Variants in AIG1 observed in about 807,000 individuals in gnomAD.
The protein encoded by AIG1 is androgen-induced gene 1 protein.
Under a neutral mutation model 31.4 loss-of-function variants are expected in AIG1, and 23 were observed. The observed-to-expected ratio is 0.73, with a 90% CI of 0.53 to 1.04. The LOEUF (loss-of-function observed/expected upper bound fraction) is 1.04. AIG1 is among the 50% of genes least tolerant of loss of function. The pLI, the probability that AIG1 is intolerant of heterozygous loss-of-function variation, is 0.00. For synonymous variants in AIG1, 100 were observed against 110.5 expected, an observed-to-expected ratio of 0.90 and a Z score of 0.60; for missense variants, 274 against 295.0, an observed-to-expected ratio of 0.93 and a Z score of 0.52.
chr6:143,226,864 A>T (rs1349570005), intron 3 of AIG1, among the ~76,000 whole-genome samples: 1 of 152,098 alleles, frequency 6.6e-6, no homozygotes, highest in Non-Finnish European at 1.5e-5. Flanking sequence ...TTTTATGAAG[A>T]ACCTAGTGCC....
chr6:143,301,929 C>G (rs915791918), intron 4 of AIG1, among the ~76,000 whole-genome samples: 2 of 152,130 alleles, frequency 1.3e-5, no homozygotes, highest in Non-Finnish European at 2.9e-5. Context: ...TGATGTCTAC[C>G]AAGGTTTTCT....
At chr6:143,069,920 G>GCAC (rs558478766) in intron 1 of AIG1, among the ~76,000 whole-genome samples, 159 of 152,114 alleles carry the variant, frequency 1.0e-3, no homozygotes, top group South Asian at 4.8e-3. Flanking sequence ...AATTTTCCCT[G>GCAC]CACCGTGTCT....
chr6:143,169,723 A>G (rs1787312066), intron 3 of AIG1, among the ~76,000 whole-genome samples: 1 of 152,120 alleles, frequency 6.6e-6, no homozygotes, highest in African/African-American at 2.4e-5. Flanking sequence ...TTGTCTCTTT[A>G]GTATGTTAGC....
rs1796283855 is a variant in AIG1, at chr6:143,268,230, C to A, written c.400-15880C>A. ...TAAAACCAAAGGTTGGTTGTGTGATCTACATGTGGAGCTCAGAGCATGTTT... is the reference window on the plus strand; with the variant it reads ...TAAAACCAAAGGTTGGTTGTGTGATATACATGTGGAGCTCAGAGCATGTTT... On this transcript the variant is annotated intron_variant, in intron 3 of 5. Coordinates refer to ENST00000357847, the MANE Select transcript of AIG1 (RefSeq NM_016108.4). This position sits in a 1 kb window ranked among gnomAD's most constrained non-coding sequence, Gnocchi z 5.0. Among the ~76,000 whole-genome samples, 1 of 152,098 alleles carries A rather than the reference C, an allele frequency of 6.6e-6. No homozygotes were observed. Among genetic ancestry groups the A allele is most frequent in the South Asian group, 2.1e-4 (1 of 4,828 alleles).
intron 1 of AIG1, among the ~76,000 whole-genome samples, chr6:143,128,547 G>A (rs1030323223): frequency 6.6e-6 from 1 of 152,242 alleles, no homozygotes; most frequent in South Asian, 2.1e-4. Flanking sequence ...GTATATGTGT[G>A]TCATGCTGAG....
chr6:143,129,655 T>C (rs1783039589), intron 1 of AIG1, among the ~76,000 whole-genome samples: 1 of 152,234 alleles, frequency 6.6e-6, no homozygotes, highest in African/African-American at 2.4e-5. Context: ...TTCGAGATTC[T>C]GTTTTTCCCT....
chr6:143,215,434 C>T (rs1791955867), intron 3 of AIG1, among the ~76,000 whole-genome samples: 1 of 151,996 alleles, frequency 6.6e-6, no homozygotes. Context: ...AACACACAAA[C>T]AAAAAACAGT....
chr6:143,274,695 C>T (rs1796770454), intron 3 of AIG1, among the ~76,000 whole-genome samples: 2 of 141,038 alleles, frequency 1.4e-5, no homozygotes, highest in African/African-American at 2.7e-5. Context: ...AATGAATGAA[C>T]AAACGAGCAT....
rs894124871 is a variant in AIG1, at chr6:143,338,325, C to T, written c.680-1314C>T. 2 of 270,756 alleles carry T rather than the reference C, an allele frequency of 7.4e-6. No individual in the cohort carries two copies. Among genetic ancestry groups the T allele is most frequent in the African/African-American group, 4.4e-5 (2 of 45,762 alleles). 16.8% of individuals were successfully genotyped at this position (270,756 alleles called of 1,614,324 possible). On this transcript the variant is annotated intron_variant, in intron 5 of 5. Transcript: ENST00000357847. This position sits in a 1 kb window ranked among gnomAD's most constrained non-coding sequence, Gnocchi z 4.3. ...CCTCCCGTCAGATGTCCTTACTCCT[C>T]AATTTGAAGTTTTCCTTCATAGGAT...
intron 3 of AIG1, among the ~76,000 whole-genome samples, chr6:143,244,712 G>A (rs1370596937): frequency 6.6e-6 from 1 of 152,210 alleles, no homozygotes; most frequent in Non-Finnish European, 1.5e-5. Context: ...AAGAGGTGCT[G>A]TCTGTGCAGG....
intron 4 of AIG1, among the ~76,000 whole-genome samples, chr6:143,295,311 G>A (rs1272328984): frequency 3.9e-5 from 6 of 152,074 alleles, no homozygotes; most frequent in Non-Finnish European, 7.4e-5. Flanking sequence ...TCTATCCAAA[G>A]GATCCCAGAG....
chr6:143,288,216 A>T lies in AIG1; in HGVS notation c.515+3991A>T, dbSNP rs1213622847. On this transcript the variant is annotated intron_variant, in intron 4 of 5. Transcript: ENST00000357847. The surrounding 1 kb of genome is among the most constrained non-coding windows in gnomAD (Gnocchi z 4.4). ...ATTGCTCTGCCTTTCAGTCTGCAAG[A>T]TACAGAAAGAGGAAACCAACTCAGA... is the stretch of plus-strand genomic sequence containing the variant. Among the ~76,000 whole-genome samples the T allele has an allele frequency of 6.6e-6, 1 of 152,188 alleles. No individual in the cohort carries two copies. Among genetic ancestry groups the T allele is most frequent in the Non-Finnish European group, 1.5e-5 (1 of 68,030 alleles).
rs761787422 is a variant in AIG1 at position 143,292,111 on chromosome 6, T to A, written c.515+7886T>A. Reference sequence around the variant, plus strand: ...ATAGGATTTCCTGGCCAAATTTAAATTAAACCCTGGACTCAGCCCCTTTAA... The same window carrying A: ...ATAGGATTTCCTGGCCAAATTTAAAATAAACCCTGGACTCAGCCCCTTTAA... On this transcript the variant is annotated intron_variant, in intron 4 of 5. Transcript: ENST00000357847. The surrounding 1 kb of genome is among the most constrained non-coding windows in gnomAD (Gnocchi z 4.9). Among the ~76,000 whole-genome samples, 19 of 152,174 alleles carry A rather than the reference T, an allele frequency of 1.2e-4. No individual in the cohort carries two copies. The highest frequency in any genetic ancestry group is 2.8e-4 in the Non-Finnish European group (19 of 68,020).
chr6:143,222,350 G>A (rs753221644), intron 3 of AIG1, among the ~76,000 whole-genome samples: 1 of 151,966 alleles, frequency 6.6e-6, no homozygotes, highest in Non-Finnish European at 1.5e-5. Context: ...AGGAATTATC[G>A]GGAACGGCAG....
At chr6:143,295,943 A>G (rs1326719084) in intron 4 of AIG1, among the ~76,000 whole-genome samples, 2 of 152,210 alleles carry the variant, frequency 1.3e-5, no homozygotes, top group Admixed American at 1.3e-4. Flanking sequence ...TTTTCTTTAG[A>G]CATTACATCA....
intron 2 of AIG1, among the ~76,000 whole-genome samples, chr6:143,145,132 C>A (rs1784596259): frequency 6.6e-6 from 1 of 152,136 alleles, no homozygotes; most frequent in South Asian, 2.1e-4. Flanking sequence ...TCAAGTGATC[C>A]TCGCACCTCA....
chr6:143,231,973 A>C (rs1296775542), intron 3 of AIG1, among the ~76,000 whole-genome samples: 1 of 152,224 alleles, frequency 6.6e-6, no homozygotes, highest in Admixed American at 6.5e-5. Flanking sequence ...GTAGTCAGAT[A>C]TCAGAGCATG....
At chr6:143,246,412 C>T (rs544915234) in intron 3 of AIG1, among the ~76,000 whole-genome samples, 7 of 152,190 alleles carry the variant, frequency 4.6e-5, no homozygotes, top group African/African-American at 1.7e-4. Context: ...AGGGAAACTC[C>T]CCCTTATAAA....
chr6:143,230,046 T>C (rs1480977989), intron 3 of AIG1, among the ~76,000 whole-genome samples: 1 of 152,190 alleles, frequency 6.6e-6, no homozygotes, highest in Non-Finnish European at 1.5e-5. Flanking sequence ...TCTTTCCATT[T>C]ACCCTCAAAC....
Sources: gnomAD v4.1 joint callset for allele counts (sites outside exome capture counted in the v4.1 genomes callset) on GRCh38, gnomAD v4.1.1 for gene constraint, Gnocchi (gnomAD v3.1) non-coding constraint, MANE v1.5 for transcripts, NCBI Gene and HGNC (gene_info 2026-07-23, HGNC 2026-07-21) for gene names.